The following CADPS2 variants were observed in gnomAD, a reference collection of about 807,000 sequenced individuals.
CADPS2 encodes the protein calcium dependent secretion activator 2, also known as calcium-dependent secretion activator 2.
CADPS2 carries 93 observed loss-of-function variants against 172.5 expected under a neutral mutation model. The observed-to-expected ratio is 0.54, with a 90% CI of 0.46 to 0.64. CADPS2 has a LOEUF of 0.64. CADPS2 is among the 30% of genes least tolerant of loss of function. The probability of loss-of-function intolerance (pLI) is 0.00; values close to 1 mark genes in which losing one functional copy is unlikely to be tolerated. For missense variants in CADPS2, 1,420 were observed against 1,565.9 expected, an observed-to-expected ratio of 0.91 and a Z score of 1.57; for synonymous variants, 546 against 555.2, an observed-to-expected ratio of 0.98 and a Z score of 0.23.
chr7:122,533,923 G>A (rs536950715), intron 8 of CADPS2, among the ~76,000 whole-genome samples: 1 of 152,062 alleles, frequency 6.6e-6, no homozygotes, highest in Non-Finnish European at 1.5e-5. Context: ...ACAAATAATG[G>A]GGTGTATGAG....
In CADPS2 at chr7:122,357,871, T is replaced by C. The variant is rs757209283; in HGVS notation, c.3504+2917A>G. On this transcript the variant is annotated intron_variant, in intron 27 of 29. Transcript: ENST00000449022. ...GGACGTACCAATGGTTATTTATACA[T>C]TGACGTACTACAGGACAATTTTGGT... Among the ~76,000 whole-genome samples, 10 of 152,196 alleles carry C rather than the reference T, an allele frequency of 6.6e-5. No individual in the cohort carries two copies. In the South Asian group the frequency reaches 8.3e-4, roughly 13 times the overall value.
At chr7:122,650,722 C>G (rs1490552986) in intron 3 of CADPS2, among the ~76,000 whole-genome samples, 1 of 152,102 alleles carries the variant, frequency 6.6e-6, no homozygotes, top group Non-Finnish European at 1.5e-5. Context: ...TGGAGCAACA[C>G]TAATAAAGCC....
intron 1 of CADPS2, among the ~76,000 whole-genome samples, chr7:122,803,575 T>C (rs1798108282): frequency 1.3e-5 from 2 of 152,190 alleles, no homozygotes; most frequent in Admixed American, 6.5e-5. Context: ...CACTAGATGG[T>C]GAGCTTGTGG....
chr7:122,745,129 G>A (rs755617691), intron 1 of CADPS2, among the ~76,000 whole-genome samples: 3 of 151,960 alleles, frequency 2.0e-5, no homozygotes, highest in Non-Finnish European at 4.4e-5. Flanking sequence ...GTGTCTGTGT[G>A]TGTGTGTGCA....
chr7:122,712,756 T>C (rs1013076609), intron 2 of CADPS2, among the ~76,000 whole-genome samples: 3 of 152,104 alleles, frequency 2.0e-5, no homozygotes, highest in East Asian at 3.9e-4. Context: ...CAGGATTAAG[T>C]AGATTTGGTG....
intron 2 of CADPS2, among the ~76,000 whole-genome samples, chr7:122,723,292 C>G (rs934905723): frequency 2.8e-4 from 43 of 151,968 alleles, no homozygotes; most frequent in South Asian, 1.0e-3. Flanking sequence ...CTGACAAAGG[C>G]CTAATATCCA....
intron 1 of CADPS2, among the ~76,000 whole-genome samples, chr7:122,799,307 T>TATTTTTAAGA (rs1171440589): frequency 2.6e-5 from 4 of 152,158 alleles, no homozygotes; most frequent in Admixed American, 2.6e-4. Context: ...TTAAGAAGTA[T>TATTTTTAAGA]AGCTATGTAG....
chr7:122,370,500 T>A (rs2041629107), intron 25 of CADPS2, among the ~76,000 whole-genome samples: 1 of 152,228 alleles, frequency 6.6e-6, no homozygotes, highest in African/African-American at 2.4e-5. Context: ...CAGAGCACAT[T>A]CCTTTAGCAT....
chr7:122,825,936 C>T (rs547332085), intron 1 of CADPS2, among the ~76,000 whole-genome samples: 6 of 152,156 alleles, frequency 3.9e-5, no homozygotes, highest in Non-Finnish European at 8.8e-5. Context: ...AGGTGCCTAA[C>T]ATTAATACCA....
At chr7:122,592,992 A>AAATG (rs927885654) in intron 6 of CADPS2, among the ~76,000 whole-genome samples, 24 of 150,460 alleles carry the variant, frequency 1.6e-4, no homozygotes, top group Non-Finnish European at 2.8e-4. Context: ...TAAAATGAAT[A>AAATG]AATAAATAAA....
intron 14 of CADPS2, among the ~76,000 whole-genome samples, chr7:122,455,557 T>C (rs1415646943): frequency 1.3e-5 from 2 of 152,056 alleles, no homozygotes. Context: ...ATTGTTGATA[T>C]TTAATGCATA....
intron 1 of CADPS2, among the ~76,000 whole-genome samples, chr7:122,842,740 T>C (rs564986948): frequency 3.3e-5 from 5 of 152,270 alleles, no homozygotes; most frequent in East Asian, 1.9e-4. Context: ...TTTTAATATA[T>C]ACTAGAAATA....
chr7:122,603,771 A>T (rs2073117308), intron 6 of CADPS2, among the ~76,000 whole-genome samples: 1 of 152,162 alleles, frequency 6.6e-6, no homozygotes, highest in African/African-American at 2.4e-5. Flanking sequence ...TTAACATTTT[A>T]AAACCTAGAA....
intron 4 of CADPS2, among the ~76,000 whole-genome samples, chr7:122,626,934 T>A (rs1305472454): frequency 6.6e-6 from 1 of 152,212 alleles, no homozygotes; most frequent in Non-Finnish European, 1.5e-5. Flanking sequence ...AGTACTAAAG[T>A]CAACATGTCT....
chr7:122,411,498 G>A (rs1191325134), intron 19 of CADPS2, among the ~76,000 whole-genome samples: 1 of 152,058 alleles, frequency 6.6e-6, no homozygotes, highest in Non-Finnish European at 1.5e-5. Context: ...GGGATTACAG[G>A]TGTGAGCCAC....
intron 3 of CADPS2, among the ~76,000 whole-genome samples, chr7:122,662,127 TCA>T (rs1355747074): frequency 6.6e-6 from 1 of 152,104 alleles, no homozygotes; most frequent in Non-Finnish European, 1.5e-5. Context: ...ACACAGAAAT[TCA>T]GAGAAGATTT....
chr7:122,545,316 A>G (rs1373468562), intron 8 of CADPS2, among the ~76,000 whole-genome samples: 3 of 152,166 alleles, frequency 2.0e-5, no homozygotes, highest in Admixed American at 2.0e-4. Context: ...CTTGGCACAT[A>G]TGTATGAGAA....
intron 2 of CADPS2, chr7:122,681,310 C>G (rs2083007335): frequency 8.3e-7 from 1 of 1,207,174 alleles, no homozygotes; most frequent in Admixed American, 1.7e-5. Flanking sequence ...GTCCGTGCCT[C>G]CAAGATGACA....
intron 2 of CADPS2, among the ~76,000 whole-genome samples, chr7:122,686,317 T>C (rs1003074628): frequency 1.3e-5 from 2 of 152,230 alleles, no homozygotes; most frequent in Non-Finnish European, 2.9e-5. Flanking sequence ...GTCAGAAACC[T>C]ATTGTACATG....
Sources: gnomAD v4.1 joint callset for allele counts (sites outside exome capture counted in the v4.1 genomes callset) on GRCh38, gnomAD v4.1.1 for gene constraint, MANE v1.5 for transcripts, NCBI Gene and HGNC (gene_info 2026-07-23, HGNC 2026-07-21) for gene names.